PTPRZ1: variants seen among roughly 807,000 people sequenced by gnomAD.
The protein encoded by PTPRZ1 is protein tyrosine phosphatase receptor type Z1, also known as receptor-type tyrosine-protein phosphatase zeta.
Under a neutral mutation model 214.1 loss-of-function variants are expected in PTPRZ1, and 82 were observed. The observed-to-expected ratio is 0.38, with a 90% CI of 0.32 to 0.46. The LOEUF is 0.46. Ranked by LOEUF, PTPRZ1 falls within the 20% of genes least tolerant of loss-of-function variation. The pLI is 1.00. For synonymous variants in PTPRZ1, 945 were observed against 987.9 expected, an observed-to-expected ratio of 0.96 and a Z score of 0.81; for missense variants, 2,603 against 2,748.7, an observed-to-expected ratio of 0.95 and a Z score of 1.19.
rs1314737727 is a variant in PTPRZ1 at position 121,919,908 on chromosome 7, TA to T, written c.59-8247del. On this transcript the variant is annotated intron_variant, in intron 1 of 29. Transcript: ENST00000393386. ...AATTTTTACTCTCCATTTATTATTC[TA>T]TATAAATTTTCAAAAAAATTCTCCA... is the stretch of plus-strand genomic sequence containing the variant. Among the ~76,000 whole-genome samples the T allele has an allele frequency of 3.3e-4, 51 of 152,256 alleles. 1 individual carries two copies. In the Middle Eastern group the frequency reaches 0.01, roughly 30 times the overall value.
intron 12 of PTPRZ1, among the ~76,000 whole-genome samples, chr7:122,016,609 A>G (rs1368492126): frequency 6.6e-6 from 1 of 151,868 alleles, no homozygotes; most frequent in Non-Finnish European, 1.5e-5. Flanking sequence ...ACAAGACTAT[A>G]TGTGTGTGCA....
At chr7:121,906,316 G>T (rs1376021250) in intron 1 of PTPRZ1, among the ~76,000 whole-genome samples, 1 of 152,092 alleles carries the variant, frequency 6.6e-6, no homozygotes, top group Non-Finnish European at 1.5e-5. Context: ...GATTTAAGGA[G>T]GCATGTGGGT....
At chr7:121,914,762 T>C (rs1261242465) in intron 1 of PTPRZ1, among the ~76,000 whole-genome samples, 1 of 152,110 alleles carries the variant, frequency 6.6e-6, no homozygotes, top group Non-Finnish European at 1.5e-5. Context: ...TCAATGCCTT[T>C]TCTTCTTGAG....
chr7:121,877,113 G>A (rs906496034), intron 1 of PTPRZ1, among the ~76,000 whole-genome samples: 1 of 152,206 alleles, frequency 6.6e-6, no homozygotes, highest in African/African-American at 2.4e-5. Flanking sequence ...TCTACTAGGT[G>A]CAGTTTCAGC....
chr7:122,015,570 T>G (rs1013982485), intron 12 of PTPRZ1, among the ~76,000 whole-genome samples: 2 of 152,100 alleles, frequency 1.3e-5, no homozygotes, highest in African/African-American at 4.8e-5. Flanking sequence ...TGAACTGTTA[T>G]CTGTTCTCAA....
chr7:121,935,092 G>A (rs1796036497), intron 2 of PTPRZ1, among the ~76,000 whole-genome samples: 1 of 152,092 alleles, frequency 6.6e-6, no homozygotes, highest in Non-Finnish European at 1.5e-5. Context: ...TATACAATGT[G>A]TGTTTGTTGA....
At chr7:121,992,172 A>G (rs1273808190) in intron 8 of PTPRZ1, among the ~76,000 whole-genome samples, 2 of 152,162 alleles carry the variant, frequency 1.3e-5, no homozygotes, top group Non-Finnish European at 2.9e-5. Flanking sequence ...GCCATTTCGT[A>G]TCAATCCATA....
intron 1 of PTPRZ1, among the ~76,000 whole-genome samples, chr7:121,926,534 A>G (rs1795769504): frequency 6.6e-6 from 1 of 152,144 alleles, no homozygotes; most frequent in Non-Finnish European, 1.5e-5. Context: ...TGTGACGTGA[A>G]AGAAGGTGGT....
intron 10 of PTPRZ1, among the ~76,000 whole-genome samples, chr7:121,999,825 A>T (rs184327411): frequency 3.9e-4 from 59 of 152,228 alleles, no homozygotes; most frequent in Admixed American, 2.4e-3. Flanking sequence ...CTGACTCTAT[A>T]TTGGCACAAA....
chr7:121,959,503 G>A (rs1288130604), intron 2 of PTPRZ1, among the ~76,000 whole-genome samples: 1 of 152,224 alleles, frequency 6.6e-6, no homozygotes, highest in African/African-American at 2.4e-5. Flanking sequence ...TTTTCAACAT[G>A]AGAAGTTGTC....
At position 121,928,207 on chromosome 7, in the gene PTPRZ1, G is replaced by A; in HGVS notation, c.110G>A (p.Gly37Asp). 1 of 1,611,100 alleles carries A rather than the reference G, an allele frequency of 6.2e-7. No homozygotes were observed. The change falls in exon 2 of 30, where the codon GGC becomes GAC. Residue 37 changes from glycine to aspartate, a missense_variant. Gly to Asp is a moderately conservative substitution (Grantham distance 94, BLOSUM62 -1). Transcript: ENST00000393386. ...RQQRKLVEEI[G>D]WSYTGALNQK... ...CAGAGAAAACTTGTTGAAGAGATTG[G>A]CTGGTCCTATACAGGTAAACATATT...
chr7:122,029,009 T>G (rs1014217046), intron 14 of PTPRZ1, among the ~76,000 whole-genome samples: 1 of 151,680 alleles, frequency 6.6e-6, no homozygotes, highest in Non-Finnish European at 1.5e-5. Context: ...ATTAAGTCAA[T>G]GCAGAAAATG....
chr7:122,027,569 A>C (rs182975348), intron 13 of PTPRZ1, among the ~76,000 whole-genome samples: 1 of 152,302 alleles, frequency 6.6e-6, no homozygotes, highest in Non-Finnish European at 1.5e-5. Flanking sequence ...GTTTTCAGTC[A>C]AACAGAATTC....
rs146013461 is a variant in PTPRZ1, at chr7:121,879,244, A to G, written c.58+5687A>G. 3.9e-5 allele frequency among the ~76,000 whole-genome samples: 6 copies of G among 152,302 alleles called. No individual in the cohort carries two copies. In the East Asian group the frequency reaches 7.7e-4, roughly 20 times the overall value. On this transcript the variant is annotated intron_variant, in intron 1 of 29. Coordinates refer to ENST00000393386, the MANE Select transcript of PTPRZ1 (RefSeq NM_002851.3). ...TTTAATTCTAGAGGAGTTGGCACCA[A>G]TGAGTTTTGGATACATCCCAGGGGG...
chr7:121,945,734 A>G (rs1280586187), intron 2 of PTPRZ1, among the ~76,000 whole-genome samples: 1 of 152,180 alleles, frequency 6.6e-6, no homozygotes, highest in Non-Finnish European at 1.5e-5. Context: ...CCCTAGAGAC[A>G]GTGTGCCAAG....
intron 1 of PTPRZ1, among the ~76,000 whole-genome samples, chr7:121,889,440 A>G (rs1445571170): frequency 6.6e-6 from 1 of 152,208 alleles, no homozygotes; most frequent in Non-Finnish European, 1.5e-5. Context: ...CTTTAGTTAC[A>G]AAATTCAATT....
At chr7:121,938,858 T>A (rs1796164072) in intron 2 of PTPRZ1, among the ~76,000 whole-genome samples, 1 of 152,202 alleles carries the variant, frequency 6.6e-6, no homozygotes, top group South Asian at 2.1e-4. Context: ...TGAATTCTGA[T>A]GGCCTCTTAC....
At position 122,053,207 on chromosome 7, in the gene PTPRZ1, C is replaced by T. The variant is rs58632103; in HGVS notation, c.6253-703C>T. On this transcript the variant is annotated intron_variant, in intron 25 of 29. Coordinates refer to ENST00000393386, the MANE Select transcript of PTPRZ1 (RefSeq NM_002851.3). ...CCCCCACTGAGTCCAGGGCATTATC[C>T]AAGTAGGTTTTCCATGGGGAGTTTT... 4.8e-3 allele frequency among the ~76,000 whole-genome samples: 731 copies of T among 152,178 alleles called. 7 individuals carry two copies. Among genetic ancestry groups the T allele is most frequent in the African/African-American group, 0.017 (700 of 41,526 alleles).
At chr7:121,908,487 C>A in intron 1 of PTPRZ1, 1 of 375,132 alleles carries the variant, frequency 2.7e-6, no homozygotes, top group Non-Finnish European at 5.1e-6. Context: ...ATTTTAGTTT[C>A]TGCATAAGAT....
Sources: gnomAD v4.1 joint callset for allele counts (sites outside exome capture counted in the v4.1 genomes callset) on GRCh38, gnomAD v4.1.1 for gene constraint, MANE v1.5 for transcripts, NCBI Gene and HGNC (gene_info 2026-07-23, HGNC 2026-07-21) for gene names.